The following JARID2 variants were observed in gnomAD, a reference collection of about 807,000 sequenced individuals.
The protein encoded by JARID2 is jumonji and AT-rich interaction domain containing 2.
In JARID2, 21 loss-of-function variants were observed where a neutral mutation model predicts 125.6. That is an observed-to-expected ratio of 0.17 (90% CI 0.12 to 0.24). The LOEUF is 0.24. JARID2 is among the 10% of genes least tolerant of loss of function. The pLI, the probability that JARID2 is intolerant of heterozygous loss-of-function variation, is 1.00. For missense variants in JARID2, 1,303 were observed against 1,639.6 expected, an observed-to-expected ratio of 0.79 and a Z score of 3.55; for synonymous variants, 736 against 661.6, an observed-to-expected ratio of 1.11 and a Z score of -1.73.
chr6:15,352,199 CAG>C (rs1426325493), intron 1 of JARID2, among the ~76,000 whole-genome samples: 1 of 152,006 alleles, frequency 6.6e-6, no homozygotes, highest in Non-Finnish European at 1.5e-5. Context: ...TTCATTATAA[CAG>C]AAAATATTAA....
At chr6:15,321,131 G>T (rs774257102) in intron 1 of JARID2, among the ~76,000 whole-genome samples, 1 of 152,100 alleles carries the variant, frequency 6.6e-6, no homozygotes, top group Non-Finnish European at 1.5e-5. Flanking sequence ...ATCTGTGCAA[G>T]AATTCAACAG....
chr6:15,501,547 T>C (rs1370341277), intron 8 of JARID2, 138 bp downstream of exon 8: 5 of 737,126 alleles, frequency 6.8e-6, no homozygotes, highest in Admixed American at 6.1e-5. Flanking sequence ...CTGTGCTGGG[T>C]GATAGCGCTG....
At chr6:15,490,796 G>C (rs1334130098) in intron 6 of JARID2, among the ~76,000 whole-genome samples, 1 of 152,220 alleles carries the variant, frequency 6.6e-6, no homozygotes, top group Non-Finnish European at 1.5e-5. Flanking sequence ...TTTCTAGCAA[G>C]GGTTTTGAAG....
In JARID2 at chr6:15,512,404, G is replaced by C; in HGVS notation, c.3135+14G>C. 6.2e-7 allele frequency: 1 copy of C among 1,611,270 alleles called. No homozygotes were observed. Among genetic ancestry groups the C allele is most frequent in the East Asian group, 2.2e-5 (1 of 44,802 alleles). Reference sequence around the variant, plus strand: ...GAGACCGCCAAGGTGAGCAGAGCCGGCCTCCTCCCGCTTGCTGCCCCCGCA... The same window carrying C: ...GAGACCGCCAAGGTGAGCAGAGCCGCCCTCCTCCCGCTTGCTGCCCCCGCA... On this transcript the variant is annotated intron_variant, in intron 14 of 17. Transcript: ENST00000341776.
intron 3 of JARID2, 129 bp downstream of exon 3, chr6:15,410,494 A>G (rs985632056): frequency 1.5e-5 from 13 of 882,442 alleles, no homozygotes; most frequent in Non-Finnish European, 2.1e-5. Context: ...AGCCAGAATC[A>G]TGAGGTTTCG....
intron 5 of JARID2, among the ~76,000 whole-genome samples, chr6:15,471,555 T>C (rs1561886381): frequency 6.6e-6 from 1 of 152,220 alleles, no homozygotes; most frequent in Admixed American, 6.5e-5. Flanking sequence ...CAGGTGAATT[T>C]ATCTGACGTC....
intron 1 of JARID2, among the ~76,000 whole-genome samples, chr6:15,326,355 A>G (rs540705245): frequency 3.7e-4 from 56 of 152,304 alleles, no homozygotes; most frequent in African/African-American, 1.3e-3. Context: ...GCATGTGTGC[A>G]CCACCATACC....
At chr6:15,353,163 C>T (rs941053671) in intron 1 of JARID2, among the ~76,000 whole-genome samples, 1 of 152,194 alleles carries the variant, frequency 6.6e-6, no homozygotes, top group Admixed American at 6.5e-5. Flanking sequence ...TACACTCCCA[C>T]TGCTGTTTGA....
At chr6:15,380,184 T>TACA (rs1339390683) in intron 2 of JARID2, among the ~76,000 whole-genome samples, 2 of 151,904 alleles carry the variant, frequency 1.3e-5, no homozygotes, top group Non-Finnish European at 2.9e-5. Context: ...TACAGGCATG[T>TACA]GCCACCATGC....
chr6:15,435,860 A>G (rs1767178824), intron 3 of JARID2, among the ~76,000 whole-genome samples: 1 of 151,926 alleles, frequency 6.6e-6, no homozygotes, highest in Non-Finnish European at 1.5e-5. Flanking sequence ...TCAGGAGTAC[A>G]GAGCAAACCA....
intron 3 of JARID2, among the ~76,000 whole-genome samples, chr6:15,445,738 C>T (rs568314821): frequency 1.3e-5 from 2 of 152,272 alleles, no homozygotes; most frequent in East Asian, 1.9e-4. Flanking sequence ...GTTAGAAAAG[C>T]GCCTTGTGCC....
At chr6:15,396,654 C>A (rs761356719) in intron 2 of JARID2, among the ~76,000 whole-genome samples, 2 of 152,104 alleles carry the variant, frequency 1.3e-5, no homozygotes, top group African/African-American at 4.8e-5. Context: ...CAGGATAGTT[C>A]AAGGTTTCAG....
Position 15,485,465 on chromosome 6 carries a change from G to T in JARID2, c.671-1842G>T, listed in dbSNP as rs540364387. Among the ~76,000 whole-genome samples the T allele has an allele frequency of 8.5e-5, 13 of 152,356 alleles. No individual in the cohort carries two copies. The South Asian group carries it at 1.4e-3, about 17-fold the overall frequency. Reference sequence around the variant, plus strand: ...TTTGAAGGGAGAGAGAAAATCTGGAGATCTACTGGACAGCCTTGTGACTAG... The same window carrying T: ...TTTGAAGGGAGAGAGAAAATCTGGATATCTACTGGACAGCCTTGTGACTAG... On this transcript the variant is annotated intron_variant, in intron 5 of 17. Transcript: ENST00000341776.
intron 1 of JARID2, among the ~76,000 whole-genome samples, chr6:15,359,802 T>A (rs918357725): frequency 2.6e-5 from 4 of 151,928 alleles, no homozygotes; most frequent in Admixed American, 2.0e-4. Context: ...TTCTCCTGTC[T>A]CGGCGTCCTG....
At chr6:15,293,752 G>A (rs1761310250) in intron 1 of JARID2, among the ~76,000 whole-genome samples, 1 of 152,224 alleles carries the variant, frequency 6.6e-6, no homozygotes, top group Admixed American at 6.5e-5. Context: ...GTGGGAATGT[G>A]TCTCCCTGTT....
chr6:15,369,272 C>T lies in JARID2; in HGVS notation c.46-4845C>T, dbSNP rs548378146. On this transcript the variant is annotated intron_variant, in intron 1 of 17. Transcript: ENST00000341776. ...GGCCCACAGACCACCTGTACCTTAA[C>T]CACTTGGCACAGTGTTTTTTACTAA... The T allele has an allele frequency of 1.4e-5, 6 of 442,450 alleles. No homozygotes were observed. The East Asian group carries it at 3.4e-4, about 25-fold the overall frequency. 27.4% of individuals were successfully genotyped at this position (442,450 alleles called of 1,614,324 possible). A position where few individuals can be genotyped will look rare whatever the true frequency, so the allele number is the denominator to read the frequency against.
At chr6:15,337,199 T>A (rs1330945286) in intron 1 of JARID2, among the ~76,000 whole-genome samples, 1 of 152,150 alleles carries the variant, frequency 6.6e-6, no homozygotes, top group Non-Finnish European at 1.5e-5. Flanking sequence ...TTGTCTCTTC[T>A]CTCTCTTACA....
At chr6:15,434,527 A>G (rs533106421) in intron 3 of JARID2, among the ~76,000 whole-genome samples, 1 of 152,304 alleles carries the variant, frequency 6.6e-6, no homozygotes, top group South Asian at 2.1e-4. Context: ...TGTCATGACA[A>G]CAGAGGCTCT....
At chr6:15,459,729 A>G (rs1768356839) in intron 4 of JARID2, among the ~76,000 whole-genome samples, 1 of 152,186 alleles carries the variant, frequency 6.6e-6, no homozygotes, top group African/African-American at 2.4e-5. Flanking sequence ...GGCAAGGAAC[A>G]CATATTTTGA....
Sources: gnomAD v4.1 joint callset for allele counts (sites outside exome capture counted in the v4.1 genomes callset) on GRCh38, gnomAD v4.1.1 for gene constraint, MANE v1.5 for transcripts, NCBI Gene and HGNC (gene_info 2026-07-23, HGNC 2026-07-21) for gene names.